The following GLG1 variants were observed in gnomAD, a reference collection of about 807,000 sequenced individuals.
GLG1 encodes Golgi apparatus protein 1.
Under a neutral mutation model 160.5 loss-of-function variants are expected in GLG1, and 38 were observed. The ratio of observed to expected loss-of-function variants is 0.24; its 90% CI spans 0.18 to 0.31. The LOEUF is 0.31. GLG1 is among the 10% of genes least tolerant of loss of function. The pLI is 1.00. For missense variants in GLG1, 1,373 were observed against 1,505.2 expected (o/e 0.91, Z 1.45); for synonymous variants, 644 against 543.4 (o/e 1.19, Z -2.57).
chr16:74,473,154 G>C (rs922981955), intron 13 of GLG1, among the ~76,000 whole-genome samples: 3 of 152,044 alleles, frequency 2.0e-5, no homozygotes, highest in African/African-American at 7.2e-5. Context: ...ATGTTTAGCT[G>C]CCCTCCTCTG....
chr16:74,509,056 C>G (rs1567491854), intron 2 of GLG1, 131 bp from the exon 3 acceptor site: 4 of 455,186 alleles, frequency 8.8e-6, no homozygotes, highest in African/African-American at 5.9e-5. Context: ...AGATAACAAA[C>G]AAAGTAGGAT....
intron 15 of GLG1, 125 bp downstream of exon 15, chr16:74,471,048 C>A (rs996211504): frequency 9.9e-6 from 7 of 705,136 alleles, no homozygotes; most frequent in Admixed American, 3.9e-5. Flanking sequence ...TGAGCCACCA[C>A]GCCTGGCTGG....
At chr16:74,465,117 G>C (rs377641286) in intron 19 of GLG1, among the ~76,000 whole-genome samples, 66 of 152,322 alleles carry the variant, frequency 4.3e-4, no homozygotes, top group African/African-American at 1.6e-3. Context: ...GGGATTACAG[G>C]CGTGAGCCAC....
intron 2 of GLG1, among the ~76,000 whole-genome samples, chr16:74,511,529 G>A (rs560078687): frequency 6.9e-6 from 1 of 144,286 alleles, no homozygotes; most frequent in Admixed American, 7.1e-5. Context: ...GTGCATGCCT[G>A]TAATCCCAGC....
intron 2 of GLG1, among the ~76,000 whole-genome samples, chr16:74,527,738 T>C: frequency 6.6e-6 from 1 of 151,984 alleles, no homozygotes; most frequent in East Asian, 1.9e-4. Context: ...CCTATTTTAT[T>C]TTTTTTGAGA....
intron 1 of GLG1, among the ~76,000 whole-genome samples, chr16:74,590,300 A>G (rs1958144533): frequency 6.6e-6 from 1 of 151,924 alleles, no homozygotes; most frequent in South Asian, 2.1e-4. Flanking sequence ...TGCCTAGCCG[A>G]TAATTTTTCT....
intron 4 of GLG1, 112 bp downstream of exon 4, chr16:74,503,419 A>G: frequency 2.7e-6 from 2 of 737,078 alleles, no homozygotes; most frequent in Non-Finnish European, 4.7e-6. Context: ...AGTTTCTTCA[A>G]TTTCAACTTA....
Position 74,463,607 on chromosome 16 carries a change from C to T in GLG1, c.2668-128G>A, listed in dbSNP as rs138725742. On this transcript the variant is annotated intron_variant, in intron 19 of 25. Coordinates refer to ENST00000422840, the MANE Select transcript of GLG1 (RefSeq NM_001145667.2). Reference sequence around the variant, plus strand: ...CAGGCTGGAGTGCAGTGGCGCAATTCGGCTTACTGCAACCTCCGCCTCCCG... The same window carrying T: ...CAGGCTGGAGTGCAGTGGCGCAATTTGGCTTACTGCAACCTCCGCCTCCCG... 421 of 849,110 alleles carry T rather than the reference C, an allele frequency of 5.0e-4. 1 individual carries two copies. In the African/African-American group the frequency reaches 6.0e-3, roughly 12 times the overall value. 52.6% of individuals were successfully genotyped at this position (849,110 alleles called of 1,614,324 possible).
chr16:74,468,903 TG>T, intron 17 of GLG1, 42 bp downstream of exon 17: 1 of 1,215,998 alleles, frequency 8.2e-7, no homozygotes, highest in Non-Finnish European at 1.2e-6. Context: ...TTCCAAGCCC[TG>T]GCCCACTGTG....
chr16:74,569,695 C>G (rs2018767462), intron 1 of GLG1, among the ~76,000 whole-genome samples: 1 of 151,882 alleles, frequency 6.6e-6, no homozygotes, highest in Non-Finnish European at 1.5e-5. Flanking sequence ...AACCGCATCT[C>G]TACTAAAAAT....
chr16:74,588,948 T>C (rs1958112828), intron 1 of GLG1, among the ~76,000 whole-genome samples: 2 of 151,438 alleles, frequency 1.3e-5, no homozygotes, highest in Admixed American at 1.3e-4. Context: ...AAATCAAATG[T>C]ATTTGGTGAG....
chr16:74,604,609 C>T (rs918814064), intron 1 of GLG1, among the ~76,000 whole-genome samples: 1 of 152,242 alleles, frequency 6.6e-6, no homozygotes. Flanking sequence ...ACTTACTGAA[C>T]AGCAAATACA....
At chr16:74,480,003 A>C (rs1293380170) in intron 11 of GLG1, among the ~76,000 whole-genome samples, 1 of 152,076 alleles carries the variant, frequency 6.6e-6, no homozygotes, top group Non-Finnish European at 1.5e-5. Flanking sequence ...TAAAAAAAAA[A>C]ATCTGGAAAT....
rs73608666 is a variant in GLG1, at chr16:74,507,766, T to C, written c.558+1073A>G. On this transcript the variant is annotated intron_variant, in intron 3 of 25. Transcript: ENST00000422840. ...AAAAAATCTACTTACAATTGTATAG[T>C]ACCACAATATAGAGGGAAAATACAA... Among the ~76,000 whole-genome samples, 753 of 152,232 alleles carry C rather than the reference T, an allele frequency of 4.9e-3. 3 individuals carry two copies. Among genetic ancestry groups the C allele is most frequent in the Middle Eastern group, 0.014 (4 of 294 alleles).
chr16:74,477,435 A>C lies in GLG1; in HGVS notation c.1926T>G (p.Asp642Glu), dbSNP rs949724588. 5 of 1,612,754 alleles carry C rather than the reference A, an allele frequency of 3.1e-6. No individual in the cohort carries two copies. The highest frequency in any genetic ancestry group is 1.3e-5 in the African/African-American group (1 of 74,888). ...DPALQDKCLIDLGKWCSEKTE... is the reference protein window; with the variant it reads ...DPALQDKCLIELGKWCSEKTE... ...TTTTCTCACTGCACCATTTTCCCAG[A>C]TCAATCAGGCACTTATCCTGGAGGG... The change falls in exon 12 of 26, where the codon GAT becomes GAG. Residue 642 changes from aspartate (D) to glutamate (E), a missense_variant. This residue lies in a region of GLG1 where 386 missense variants were observed against 388.5 expected (regional missense o/e 0.99). Transcript: ENST00000422840.
chr16:74,453,584 A>G (rs1386759006), intron 25 of GLG1, among the ~76,000 whole-genome samples: 2 of 152,142 alleles, frequency 1.3e-5, no homozygotes, highest in Non-Finnish European at 2.9e-5. Flanking sequence ...CAATTCCATC[A>G]CAGTGATCAC....
intron 1 of GLG1, among the ~76,000 whole-genome samples, chr16:74,600,500 G>A (rs754829391): frequency 9.9e-5 from 15 of 152,084 alleles, no homozygotes; most frequent in Admixed American, 3.3e-4. Flanking sequence ...GGGAGGCCAA[G>A]ACAGGCAGAT....
Position 74,463,398 on chromosome 16 carries a change from A to T in GLG1, c.2749T>A (p.Cys917Ser). The T allele has an allele frequency of 6.2e-7, 1 of 1,614,058 alleles. No homozygotes were observed. The highest frequency in any genetic ancestry group is 8.5e-7 in the Non-Finnish European group (1 of 1,179,930). The change falls in exon 20 of 26, where the codon TGC (cysteine) becomes AGC (serine). Residue 917 changes from cysteine to serine, a missense_variant. Coordinates refer to ENST00000422840, the MANE Select transcript of GLG1 (RefSeq NM_001145667.2). ...NKNSELMDPK[C>S]KQMITKRQIT... Reference sequence around the variant, plus strand: ...TGGCGCTTGGTTATCATCTGTTTGCATTTGGGATCCATCAATTCACTGTTT... The same window carrying T: ...TGGCGCTTGGTTATCATCTGTTTGCTTTTGGGATCCATCAATTCACTGTTT...
chr16:74,536,418 T>C (rs1394223705), intron 1 of GLG1, among the ~76,000 whole-genome samples: 1 of 152,144 alleles, frequency 6.6e-6, no homozygotes, highest in Non-Finnish European at 1.5e-5. Flanking sequence ...TATTGAATAA[T>C]GATGATGAAC....
Sources: allele counts gnomAD v4.1 joint callset (sites outside exome capture counted in the v4.1 genomes callset), GRCh38; gene constraint gnomAD v4.1.1; regional missense constraint gnomAD v4.1.1; transcripts MANE v1.5; gene names NCBI Gene and HGNC (gene_info 2026-07-23, HGNC 2026-07-21).